The following DIAPH2 variants were observed in gnomAD, a reference collection of about 807,000 sequenced individuals.
The protein encoded by DIAPH2 is protein diaphanous homolog 2.
Under a neutral mutation model 92.7 loss-of-function variants are expected in DIAPH2, and 35 were observed. That is an observed-to-expected ratio of 0.38 (90% CI 0.29 to 0.50). The LOEUF (loss-of-function observed/expected upper bound fraction) is 0.50, where lower values mean the gene tolerates loss of function less well. DIAPH2 is among the 20% of genes least tolerant of loss of function. The pLI is 0.94. For synonymous variants in DIAPH2, 301 were observed against 280.4 expected, an observed-to-expected ratio of 1.07 and a Z score of -0.73; for missense variants, 701 against 819.5, an observed-to-expected ratio of 0.86 and a Z score of 1.77.
chrX:96,900,741 G>A (rs1436231469), intron 5 of DIAPH2, among the ~76,000 whole-genome samples: 1 of 111,878 alleles, frequency 8.9e-6, no homozygotes, highest in Non-Finnish European at 1.9e-5. Flanking sequence ...TTCTGTTTAT[G>A]TGATTTATCA....
At chrX:97,325,114 C>T (rs190707385) in intron 23 of DIAPH2, among the ~76,000 whole-genome samples, 1 of 112,211 alleles carries the variant, frequency 8.9e-6, no homozygotes, top group Admixed American at 9.5e-5. Flanking sequence ...AATTATTTTT[C>T]TTAAACATGT....
At chrX:97,320,550 A>G (rs2068883810) in intron 23 of DIAPH2, among the ~76,000 whole-genome samples, 1 of 109,996 alleles carries the variant, frequency 9.1e-6, no homozygotes, top group Non-Finnish European at 1.9e-5. Context: ...CCCTGTCTAT[A>G]CTAAAAATAC....
At chrX:96,964,405 C>T (rs890494259) in intron 16 of DIAPH2, among the ~76,000 whole-genome samples, 9 of 111,296 alleles carry the variant, frequency 8.1e-5, no homozygotes, top group Non-Finnish European at 1.1e-4. Flanking sequence ...ATTTAGTATA[C>T]GGTGTAATGG....
At chrX:97,439,629 C>A (rs2070232495) in intron 26 of DIAPH2, among the ~76,000 whole-genome samples, 1 of 108,070 alleles carries the variant, frequency 9.3e-6, no homozygotes, top group South Asian at 4.2e-4. Context: ...CACCTGTAGT[C>A]CGAGCTACTC....
intron 22 of DIAPH2, among the ~76,000 whole-genome samples, chrX:97,230,427 A>G (rs1373037760): frequency 8.9e-6 from 1 of 112,301 alleles, no homozygotes; most frequent in Non-Finnish European, 1.9e-5. Flanking sequence ...TTAAAAGGAA[A>G]GAGCCAGAGA....
chrX:97,242,906 C>T (rs1017982090), intron 22 of DIAPH2, among the ~76,000 whole-genome samples: 19 of 109,799 alleles, frequency 1.7e-4, no homozygotes, highest in Non-Finnish European at 3.6e-4. Flanking sequence ...CCTGCCTCAG[C>T]CTCCCGAGTA....
intron 4 of DIAPH2, among the ~76,000 whole-genome samples, chrX:96,802,984 C>T (rs770330571): frequency 2.7e-5 from 3 of 111,090 alleles, no homozygotes; most frequent in Non-Finnish European, 3.8e-5. Flanking sequence ...AGATGATGGC[C>T]GGACGACTCC....
chrX:97,326,961 A>C (rs974823098), intron 23 of DIAPH2, among the ~76,000 whole-genome samples: 1 of 112,416 alleles, frequency 8.9e-6, no homozygotes, highest in African/African-American at 3.2e-5. Context: ...AGCAGTTTAA[A>C]AATCTATTTG....
At chrX:96,743,827 G>C (rs955035387) in intron 3 of DIAPH2, among the ~76,000 whole-genome samples, 1 of 111,402 alleles carries the variant, frequency 9.0e-6, no homozygotes, top group Non-Finnish European at 1.9e-5. Context: ...GCTAAGAGTA[G>C]ATGTAAAGTG....
intron 26 of DIAPH2, among the ~76,000 whole-genome samples, chrX:97,539,628 T>G (rs1489181054): frequency 8.9e-6 from 1 of 112,116 alleles, no homozygotes; most frequent in African/African-American, 3.2e-5. Flanking sequence ...ATAACTTCTT[T>G]TGACAGGTTA....
chrX:97,352,768 G>A (rs1051545110), intron 24 of DIAPH2, among the ~76,000 whole-genome samples: 3 of 105,102 alleles, frequency 2.9e-5, no homozygotes, highest in Non-Finnish European at 3.9e-5. Flanking sequence ...TACTTGGGAG[G>A]CTGAGGCAGG....
chrX:97,381,098 T>A, intron 24 of DIAPH2, among the ~76,000 whole-genome samples: 1 of 111,824 alleles, frequency 8.9e-6, no homozygotes, highest in Middle Eastern at 4.6e-3. Context: ...ATCTCTAGCC[T>A]TATTTTCTTC....
At chrX:97,096,767 C>A (rs190679965) in intron 19 of DIAPH2, among the ~76,000 whole-genome samples, 10 of 111,969 alleles carry the variant, frequency 8.9e-5, no homozygotes, top group African/African-American at 2.9e-4. Context: ...CATCTGACCA[C>A]GTTGGGGATG....
chrX:97,455,889 A>G (rs769565479), intron 26 of DIAPH2, among the ~76,000 whole-genome samples: 1 of 111,693 alleles, frequency 9.0e-6, no homozygotes, highest in Admixed American at 9.5e-5. Context: ...AGTCCCTCAA[A>G]CTGAAACTTG....
chrX:96,824,859 G>C (rs1293851150), intron 4 of DIAPH2, among the ~76,000 whole-genome samples: 1 of 111,454 alleles, frequency 9.0e-6, no homozygotes, highest in Non-Finnish European at 1.9e-5. Flanking sequence ...CTTAAGGTGA[G>C]ACATTTAATC....
At chrX:97,248,859 T>G (rs2068163108) in intron 23 of DIAPH2, among the ~76,000 whole-genome samples, 1 of 111,690 alleles carries the variant, frequency 9.0e-6, no homozygotes, top group African/African-American at 3.2e-5. Flanking sequence ...TAAAAAAAAT[T>G]TTAACTCTCA....
chrX:97,108,535 T>C (rs749074876), intron 20 of DIAPH2, among the ~76,000 whole-genome samples: 1 of 111,967 alleles, frequency 8.9e-6, no homozygotes, highest in East Asian at 2.8e-4. Flanking sequence ...GGACATTTCC[T>C]TCCATATCCA....
intron 7 of DIAPH2, among the ~76,000 whole-genome samples, 186 bp from the exon 8 acceptor site, chrX:96,916,252 T>C (rs1175432343): frequency 9.0e-6 from 1 of 110,771 alleles, no homozygotes; most frequent in Non-Finnish European, 1.9e-5. Context: ...GAGCAACAAC[T>C]CCAAGATGCA....
At chrX:97,330,654 A>C (rs1940567572) in intron 23 of DIAPH2, among the ~76,000 whole-genome samples, 1 of 109,419 alleles carries the variant, frequency 9.1e-6, no homozygotes, top group Non-Finnish European at 1.9e-5. Flanking sequence ...CTGGGATTAC[A>C]GGCGCCCGCC....
Sources: gnomAD v4.1 joint callset for allele counts (sites outside exome capture counted in the v4.1 genomes callset) on GRCh38, gnomAD v4.1.1 for gene constraint, MANE v1.5 for transcripts, NCBI Gene and HGNC (gene_info 2026-07-23, HGNC 2026-07-21) for gene names.